Variants in PTPRQ observed in about 807,000 individuals in gnomAD.
The protein encoded by PTPRQ is phosphatidylinositol phosphatase PTPRQ.
In PTPRQ, 199 loss-of-function variants were observed where a neutral mutation model predicts 246.0. The observed-to-expected ratio is 0.81, with a 90% CI of 0.72 to 0.91. The LOEUF (loss-of-function observed/expected upper bound fraction) is 0.91, where lower values mean the gene tolerates loss of function less well. Ranked by LOEUF, PTPRQ falls within the 40% of genes least tolerant of loss-of-function variation. PTPRQ has a pLI of 0.00. For synonymous variants in PTPRQ, 869 were observed against 853.2 expected (o/e 1.02, Z -0.32); for missense variants, 2,624 against 2,528.4 (o/e 1.04, Z -0.81).
chr12:80,556,872 A>G (rs1297768639), intron 25 of PTPRQ, among the ~76,000 whole-genome samples: 2 of 152,192 alleles, frequency 1.3e-5, no homozygotes. Context: ...GCTTGACTAC[A>G]GAGGAGGGTA....
chr12:80,578,273 A>T lies in PTPRQ; in HGVS notation c.4286-9856A>T, dbSNP rs1056406898. 3.1e-5 allele frequency among the ~76,000 whole-genome samples: 4 copies of T among 128,114 alleles called. No homozygotes were observed. The South Asian group carries it at 7.4e-4, about 24-fold the overall frequency. The allele number at this position is 128,114 out of a possible 152,430, so 84.0% of individuals were successfully genotyped here. ...GTGTGACGTTCCGCTTCCTGTGTCC[A>T]TGTGTTCTCATTGTTCAGTTCCCAC... On this transcript the variant is annotated intron_variant, in intron 25 of 44. Transcript: ENST00000644991.
chr12:80,675,413 C>G (rs1592785507), intron 43 of PTPRQ, among the ~76,000 whole-genome samples: 1 of 152,260 alleles, frequency 6.6e-6, no homozygotes, highest in East Asian at 1.9e-4. Context: ...TATTAAAATT[C>G]AATTTCCTTC....
chr12:80,633,262 A>G (rs919388426), intron 34 of PTPRQ, among the ~76,000 whole-genome samples: 2 of 152,242 alleles, frequency 1.3e-5, no homozygotes, highest in African/African-American at 2.4e-5. Context: ...AGGTCTAAAT[A>G]TTAAAGTTTA....
chr12:80,479,577 C>G (rs1439327629), intron 8 of PTPRQ, among the ~76,000 whole-genome samples: 2 of 144,694 alleles, frequency 1.4e-5, no homozygotes, highest in African/African-American at 5.3e-5. Context: ...AAGACACAGA[C>G]TGGCAAATTG....
At chr12:80,503,641 A>G (rs997669762) in intron 14 of PTPRQ, among the ~76,000 whole-genome samples, 1 of 151,836 alleles carries the variant, frequency 6.6e-6, no homozygotes, top group Admixed American at 6.6e-5. Flanking sequence ...AATAATATTT[A>G]CCTATTTAGT....
chr12:80,564,530 A>C (rs989817417), intron 25 of PTPRQ, among the ~76,000 whole-genome samples: 2 of 152,232 alleles, frequency 1.3e-5, no homozygotes, highest in African/African-American at 4.8e-5. Flanking sequence ...TCTATTCAAG[A>C]TCAAGTTATT....
At chr12:80,482,756 C>T (rs1393053559) in intron 8 of PTPRQ, among the ~76,000 whole-genome samples, 1 of 151,126 alleles carries the variant, frequency 6.6e-6, no homozygotes, top group Non-Finnish European at 1.5e-5. Context: ...ATTTATGCAG[C>T]CAAAAGACAC....
Position 80,591,428 on chromosome 12 carries a change from A to G in PTPRQ, c.4609+2976A>G, listed in dbSNP as rs529555694. 5.7e-4 allele frequency among the ~76,000 whole-genome samples: 86 copies of G among 152,186 alleles called. 3 individuals carry two copies. The highest frequency in any genetic ancestry group is 2.0e-3 in the African/African-American group (84 of 41,532). On this transcript the variant is annotated intron_variant, in intron 26 of 44. Transcript: ENST00000644991. ...TCAGGCATGAGCTACCATCCCACGC[A>G]TATTTTCTTATTGTCTAGAATAGTT...
chr12:80,594,792 G>T (rs1439396539), intron 26 of PTPRQ, among the ~76,000 whole-genome samples: 2 of 152,028 alleles, frequency 1.3e-5, no homozygotes, highest in Non-Finnish European at 2.9e-5. Flanking sequence ...TTCTTTTCAA[G>T]TGTCTCTAAA....
At chr12:80,463,558 A>C (rs912562822) in intron 6 of PTPRQ, among the ~76,000 whole-genome samples, 1 of 152,066 alleles carries the variant, frequency 6.6e-6, no homozygotes, top group Non-Finnish European at 1.5e-5. Context: ...TCTAAGACAC[A>C]TAATTGTCAG....
At chr12:80,539,061 A>G (rs1029118082) in intron 19 of PTPRQ, among the ~76,000 whole-genome samples, 4 of 152,150 alleles carry the variant, frequency 2.6e-5, no homozygotes, top group African/African-American at 9.6e-5. Flanking sequence ...TTATTTTAGA[A>G]TTAATTTTAT....
In PTPRQ at chr12:80,539,955, A is replaced by G. The variant is rs34318090; in HGVS notation, c.3154+11A>G. 135,432 of 1,453,040 alleles carry G rather than the reference A, an allele frequency of 0.093. 7,080 individuals carry two copies. Among genetic ancestry groups the G allele is most frequent in the Admixed American group, 0.11 (3,952 of 35,418 alleles). 90.0% of individuals were successfully genotyped at this position (1,453,040 alleles called of 1,614,324 possible). A position where few individuals can be genotyped will look rare whatever the true frequency, so the allele number is the denominator to read the frequency against. On this transcript the variant is annotated intron_variant, in intron 20 of 44. Coordinates refer to ENST00000644991, the MANE Select transcript of PTPRQ (RefSeq NM_001145026.2). ...ACACAGATCAAGACAGTATGTAAAC[A>G]AAAAACACTAATCTTTAATATGATT...
At chr12:80,608,148 A>C (rs1003055034) in intron 27 of PTPRQ, among the ~76,000 whole-genome samples, 1 of 150,372 alleles carries the variant, frequency 6.7e-6, no homozygotes, top group Non-Finnish European at 1.5e-5. Context: ...GTAGGAAGAG[A>C]AAAAAAATAG....
intron 28 of PTPRQ, 23 bp from the exon 29 acceptor site, chr12:80,613,569 A>T: frequency 6.8e-7 from 1 of 1,474,996 alleles, no homozygotes; most frequent in Non-Finnish European, 9.0e-7. Context: ...TTTAAAAATT[A>T]ATTGTTAAAT....
intron 17 of PTPRQ, among the ~76,000 whole-genome samples, chr12:80,519,995 CAGTT>C (rs1895421535): frequency 6.6e-6 from 1 of 152,018 alleles, no homozygotes; most frequent in African/African-American, 2.4e-5. Flanking sequence ...AAACCTATGG[CAGTT>C]AGAGCATAGG....
At chr12:80,654,772 C>T (rs1286022790) in intron 38 of PTPRQ, among the ~76,000 whole-genome samples, 2 of 151,568 alleles carry the variant, frequency 1.3e-5, no homozygotes, top group African/African-American at 4.8e-5. Flanking sequence ...AGGCAGGAGA[C>T]TTGCTTGAAC....
chr12:80,520,734 C>T (rs938693707), intron 17 of PTPRQ, among the ~76,000 whole-genome samples: 34 of 152,014 alleles, frequency 2.2e-4, no homozygotes, highest in Admixed American at 3.9e-4. Flanking sequence ...TGTATATGTG[C>T]CACATTTTCT....
chr12:80,665,540 T>G (rs1020840838), intron 39 of PTPRQ, among the ~76,000 whole-genome samples: 7 of 151,928 alleles, frequency 4.6e-5, no homozygotes, highest in Admixed American at 1.3e-4. Flanking sequence ...TTATTTTCCC[T>G]GCAAATCTGT....
rs1336070366 is a variant in PTPRQ at position 80,576,374 on chromosome 12, T to A, written c.4286-11755T>A. 2.0e-5 allele frequency among the ~76,000 whole-genome samples: 3 copies of A among 152,118 alleles called. No homozygotes were observed. In the East Asian group the frequency reaches 5.8e-4, roughly 29 times the overall value. ...CTAGGCTAGTCTCAAATTCCTGACC[T>A]CAGGTGATCTTCCTGCCCTGCCTCC... On this transcript the variant is annotated intron_variant, in intron 25 of 44. Coordinates refer to ENST00000644991, the MANE Select transcript of PTPRQ (RefSeq NM_001145026.2).
Sources: allele counts gnomAD v4.1 joint callset (sites outside exome capture counted in the v4.1 genomes callset), GRCh38; gene constraint gnomAD v4.1.1; transcripts MANE v1.5; gene names NCBI Gene and HGNC (gene_info 2026-07-23, HGNC 2026-07-21).